IQSEC1: variants seen among roughly 807,000 people sequenced by gnomAD.
IQSEC1 encodes IQ motif and Sec7 domain ArfGEF 1.
Under a neutral mutation model 91.0 loss-of-function variants are expected in IQSEC1, and 31 were observed. The ratio of observed to expected loss-of-function variants is 0.34; its 90% CI spans 0.26 to 0.46. IQSEC1 has a LOEUF of 0.46. IQSEC1 is among the 20% of genes least tolerant of loss of function. IQSEC1 has a pLI of 1.00. For missense variants in IQSEC1, 1,388 were observed against 1,575.6 expected (o/e 0.88, Z 2.02); for synonymous variants, 699 against 662.6 (o/e 1.05, Z -0.84).
chr3:12,936,845 G>A, intron 2 of IQSEC1, 148 bp from the exon 3 acceptor site: 1 of 668,470 alleles, frequency 1.5e-6, no homozygotes, highest in Non-Finnish European at 2.5e-6. Flanking sequence ...GATGCTGGTG[G>A]GCTTATGCAA....
intron 2 of IQSEC1, among the ~76,000 whole-genome samples, chr3:13,078,688 T>C (rs749638526): frequency 2.2e-4 from 34 of 152,056 alleles, no homozygotes; most frequent in Non-Finnish European, 4.4e-4. Flanking sequence ...GCTCTGCTGG[T>C]GTTTGCTTTG....
rs531153847 is a variant in IQSEC1 at position 13,018,952 on chromosome 3, C to A, written c.23+54040G>T. On this transcript the variant is annotated intron_variant, in intron 1 of 13. Coordinates refer to ENST00000613206, the MANE Select transcript of IQSEC1 (RefSeq NM_001134382.3). ...CACTTCATCACGTTATCCCCCTAAG[C>A]CCCCACGCTGAGACTCAGAGGACAA... is the stretch of plus-strand genomic sequence containing the variant. Among the ~76,000 whole-genome samples the A allele has an allele frequency of 2.0e-5, 3 of 152,300 alleles. No individual in the cohort carries two copies. The South Asian group carries it at 6.2e-4, about 32-fold the overall frequency.
At chr3:13,024,772 G>A (rs779075179) in intron 1 of IQSEC1, among the ~76,000 whole-genome samples, 4 of 152,016 alleles carry the variant, frequency 2.6e-5, no homozygotes, top group Non-Finnish European at 4.4e-5. Context: ...TCCACTCATC[G>A]GGGACATGTC....
rs533063728 is a variant in IQSEC1 at position 13,145,807 on chromosome 3, G to GT, written c.302+18296_302+18297insA. Among the ~76,000 whole-genome samples the GT allele has an allele frequency of 8.6e-4, 64 of 74,764 alleles. 4 individuals are homozygous for GT. The East Asian group carries it at 0.048, about 56-fold the overall frequency. 49.0% of individuals were successfully genotyped at this position (74,764 alleles called of 152,430 possible). On this transcript the variant is annotated intron_variant, in intron 2 of 15. Coordinates refer to the IQSEC1 transcript ENST00000648114. ...AGTGAACCTGGGCGCCCGGGGGCGG[G>GT]GGGGGGGGGTCCTGATCATTGGGAA...
chr3:13,026,014 G>A (rs1454665861), intron 1 of IQSEC1, among the ~76,000 whole-genome samples: 1 of 152,234 alleles, frequency 6.6e-6, no homozygotes, highest in Non-Finnish European at 1.5e-5. Context: ...GCCCCAGTCT[G>A]CTCTGGGCCC....
intron 1 of IQSEC1, among the ~76,000 whole-genome samples, chr3:13,033,910 C>A (rs1187871188): frequency 6.6e-6 from 1 of 152,312 alleles, no homozygotes; most frequent in African/African-American, 2.4e-5. Flanking sequence ...GACCAGACAT[C>A]CGGTCACCTT....
intron 3 of IQSEC1, among the ~76,000 whole-genome samples, chr3:12,930,260 C>T (rs559197549): frequency 8.5e-5 from 13 of 152,304 alleles, no homozygotes; most frequent in African/African-American, 2.4e-4. Context: ...GTGATCCTCC[C>T]GCCTCAGCCT....
At chr3:13,030,197 A>C (rs1703792212) in intron 1 of IQSEC1, among the ~76,000 whole-genome samples, 1 of 152,352 alleles carries the variant, frequency 6.6e-6, no homozygotes, top group South Asian at 2.1e-4. Context: ...TGCCAGGTTC[A>C]AGCGATTCTC....
Position 12,967,778 on chromosome 3 carries a change from G to T in IQSEC1, c.24-25913C>A. On this transcript the variant is annotated intron_variant, in intron 1 of 13. Transcript: ENST00000613206. The surrounding 1 kb of genome is among the most constrained non-coding windows in gnomAD (Gnocchi z 5.9). The stretch of plus-strand genomic sequence containing the variant: ...GGCCGGAGGGCGAGCTGGGGGCGGG[G>T]CCGGAGGGCGAGCTGGGGGCGGGGC... 1 of 823,604 alleles carries T rather than the reference G, an allele frequency of 1.2e-6. No individual in the cohort carries two copies. The allele number at this position is 823,604 out of a possible 1,614,324, so 51.0% of individuals were successfully genotyped here.
At chr3:13,140,763 T>C (rs1195197393) in intron 2 of IQSEC1, among the ~76,000 whole-genome samples, 1 of 151,794 alleles carries the variant, frequency 6.6e-6, no homozygotes, top group Non-Finnish European at 1.5e-5. Flanking sequence ...GGCCTGGGGG[T>C]GCTGTCTCCC....
At chr3:13,020,665 C>T (rs1328702259) in intron 1 of IQSEC1, among the ~76,000 whole-genome samples, 1 of 152,134 alleles carries the variant, frequency 6.6e-6, no homozygotes, top group Admixed American at 6.5e-5. Context: ...TTTTCCACTC[C>T]TGATTCTTTT....
At chr3:13,267,475 C>T (rs1695511928) in intron 1 of IQSEC1, among the ~76,000 whole-genome samples, 1 of 152,166 alleles carries the variant, frequency 6.6e-6, no homozygotes, top group Non-Finnish European at 1.5e-5. Context: ...CCGCGTTTTC[C>T]ATCCCTCTGG....
intron 1 of IQSEC1, among the ~76,000 whole-genome samples, chr3:12,963,953 C>T (rs1464610012): frequency 6.6e-6 from 1 of 152,244 alleles, no homozygotes; most frequent in African/African-American, 2.4e-5. Flanking sequence ...TTTATGGATG[C>T]TTTCATTCAC....
At position 12,897,547 on chromosome 3, in the gene IQSEC1, C is replaced by T. The variant is rs1269318093; in HGVS notation, c.*3436G>A. ...CAGATGCATCTGAATGGAGGGCAGG[C>T]CTCCTCCCTCTTGTCCTGTGCTCAG... On this transcript the variant is annotated 3_prime_UTR_variant, in exon 14 of 14. Transcript: ENST00000613206. 1 of 152,228 alleles carries T rather than the reference C, an allele frequency of 6.6e-6. No homozygotes were observed. Among genetic ancestry groups the T allele is most frequent in the African/African-American group, 2.4e-5 (1 of 41,462 alleles). The allele number at this position is 152,228 out of a possible 1,614,324, so 9.4% of individuals were successfully genotyped here.
intron 5 of IQSEC1, among the ~76,000 whole-genome samples, chr3:12,920,918 G>A (rs1696571215): frequency 6.6e-6 from 1 of 152,188 alleles, no homozygotes; most frequent in Admixed American, 6.5e-5. Flanking sequence ...CTGTAAGGCT[G>A]GGCCCCTCTC....
rs748400384 is a variant in IQSEC1, at chr3:12,900,849, G to C, written c.*134C>G. 4.2e-5 allele frequency: 64 copies of C among 1,524,244 alleles called. No homozygotes were observed. The highest frequency in any genetic ancestry group is 5.3e-5 in the Non-Finnish European group (61 of 1,141,162). 94.4% of individuals were successfully genotyped at this position (1,524,244 alleles called of 1,614,324 possible). ...AGCCCTGTGGGCTCCTGGGGCTCCG[G>C]TTGGGCCGTGAGGGGCAGAGGGGAG... On this transcript the variant is annotated 3_prime_UTR_variant, in exon 14 of 14. Transcript: ENST00000613206.
At chr3:12,929,995 CA>C in intron 3 of IQSEC1, among the ~76,000 whole-genome samples, 1 of 152,352 alleles carries the variant, frequency 6.6e-6, no homozygotes, top group South Asian at 2.1e-4. Context: ...CCTGCACACG[CA>C]TCTCTCATCG....
At chr3:12,917,790 T>C (rs1249179506) in intron 6 of IQSEC1, among the ~76,000 whole-genome samples, 1 of 152,256 alleles carries the variant, frequency 6.6e-6, no homozygotes, top group East Asian at 1.9e-4. Context: ...TATTACTTTC[T>C]GGCTTTCAAA....
At chr3:13,174,926 C>T (rs76311612) in intron 1 of IQSEC1, among the ~76,000 whole-genome samples, 12,744 of 151,854 alleles carry the variant, frequency 0.084, 609 homozygotes, top group South Asian at 0.15. Context: ...CCACTCCTGC[C>T]GCAGGGCCCT....
Sources: allele counts gnomAD v4.1 joint callset (sites outside exome capture counted in the v4.1 genomes callset), GRCh38; gene constraint gnomAD v4.1.1; non-coding constraint Gnocchi (gnomAD v3.1); transcripts MANE v1.5; gene names NCBI Gene and HGNC (gene_info 2026-07-23, HGNC 2026-07-21).